The following ARHGEF26 variants were observed in gnomAD, a reference collection of about 807,000 sequenced individuals.
ARHGEF26 encodes Rho guanine nucleotide exchange factor (GEF) 26.
In ARHGEF26, 59 loss-of-function variants were observed where a neutral mutation model predicts 89.4. The ratio of observed to expected loss-of-function variants is 0.66; its 90% CI spans 0.54 to 0.82. ARHGEF26 has a LOEUF of 0.82. ARHGEF26 is among the 40% of genes least tolerant of loss of function. The probability of loss-of-function intolerance (pLI) is 0.00; values close to 1 mark genes in which losing one functional copy is unlikely to be tolerated. For synonymous variants in ARHGEF26, 500 were observed against 428.4 expected (o/e 1.17, Z -2.06); for missense variants, 1,234 against 1,085.6 (o/e 1.14, Z -1.92).
chr3:154,245,071 G>C (rs192086301), intron 12 of ARHGEF26, among the ~76,000 whole-genome samples: 12 of 152,196 alleles, frequency 7.9e-5, no homozygotes, highest in Admixed American at 3.3e-4. Context: ...TCTGTCGCCG[G>C]GGCTGGAGTG....
intron 6 of ARHGEF26, among the ~76,000 whole-genome samples, chr3:154,182,038 T>A (rs577709474): frequency 6.6e-6 from 1 of 151,174 alleles, no homozygotes; most frequent in Admixed American, 6.6e-5. Flanking sequence ...GGTGGTTGGG[T>A]GTGTGTGTGT....
rs192586091 is a variant in ARHGEF26 at position 154,151,709 on chromosome 3, G to A, written c.1327-1063G>A. ...AACCTTACGGAAGTTAAAAGTGGAG[G>A]TGAGCACTGAGATTAGCACTTCTAA... On this transcript the variant is annotated intron_variant, in intron 5 of 14. Coordinates refer to ENST00000465093, the MANE Select transcript of ARHGEF26 (RefSeq NM_015595.4). Among the ~76,000 whole-genome samples, 502 of 152,282 alleles carry A rather than the reference G, an allele frequency of 3.3e-3. 1 individual carries two copies. Among genetic ancestry groups the A allele is most frequent in the African/African-American group, 0.011 (476 of 41,562 alleles).
chr3:154,256,818 A>AGAGT lies in ARHGEF26; in HGVS notation c.*1346_*1349dup. On this transcript the variant is annotated 3_prime_UTR_variant, in exon 15 of 15. Coordinates refer to ENST00000465093, the MANE Select transcript of ARHGEF26 (RefSeq NM_015595.4). ...CTAAAAGCCTTAACTTGCTGTATTC[A>AGAGT]GAGTCCCTCTTAACTGTGAGTTTCT... The AGAGT allele has an allele frequency of 6.6e-7, 1 of 1,519,890 alleles. No individual in the cohort carries two copies. Among genetic ancestry groups the AGAGT allele is most frequent in the Non-Finnish European group, 8.8e-7 (1 of 1,141,842 alleles). 94.2% of individuals were successfully genotyped at this position (1,519,890 alleles called of 1,614,324 possible).
chr3:154,131,139 G>T (rs1446435104), intron 4 of ARHGEF26, among the ~76,000 whole-genome samples: 1 of 152,202 alleles, frequency 6.6e-6, no homozygotes, highest in Non-Finnish European at 1.5e-5. Context: ...GTCAGGGGAA[G>T]TAGAATGAAT....
chr3:154,129,846 T>C (rs879459535), intron 4 of ARHGEF26, 127 bp downstream of exon 4: 5 of 1,138,302 alleles, frequency 4.4e-6, no homozygotes, highest in Non-Finnish European at 6.1e-6. Flanking sequence ...CTTTTTAGAT[T>C]GTGAAATGTT....
intron 9 of ARHGEF26, among the ~76,000 whole-genome samples, chr3:154,197,012 C>T (rs1448707445): frequency 6.6e-6 from 1 of 152,044 alleles, no homozygotes; most frequent in Non-Finnish European, 1.5e-5. Flanking sequence ...TAGATTACTA[C>T]ATTCCTTCAG....
intron 6 of ARHGEF26, among the ~76,000 whole-genome samples, chr3:154,165,068 T>C (rs557056872): frequency 5.3e-5 from 8 of 152,266 alleles, no homozygotes; most frequent in Non-Finnish European, 8.8e-5. Context: ...TTTTGGAGGA[T>C]CTCATATGGT....
intron 12 of ARHGEF26, among the ~76,000 whole-genome samples, chr3:154,252,645 T>A (rs974416118): frequency 2.0e-5 from 3 of 152,202 alleles, no homozygotes; most frequent in African/African-American, 7.2e-5. Flanking sequence ...ATTAGTTGTA[T>A]GAGGGATGAG....
At chr3:154,160,317 A>G (rs1711582093) in intron 6 of ARHGEF26, among the ~76,000 whole-genome samples, 1 of 152,186 alleles carries the variant, frequency 6.6e-6, no homozygotes, top group Non-Finnish European at 1.5e-5. Context: ...TATTATTTCA[A>G]TAAAGAAAGA....
chr3:154,213,659 G>A (rs745664143), intron 9 of ARHGEF26, among the ~76,000 whole-genome samples: 9 of 152,084 alleles, frequency 5.9e-5, no homozygotes, highest in Non-Finnish European at 1.2e-4. Context: ...TATTGGCCTG[G>A]TGTGCTGGCT....
At chr3:154,218,926 G>A (rs1453532420) in intron 10 of ARHGEF26, among the ~76,000 whole-genome samples, 1 of 152,208 alleles carries the variant, frequency 6.6e-6, no homozygotes, top group African/African-American at 2.4e-5. Context: ...TAGATGTCCT[G>A]ACTTGCAGGT....
chr3:154,186,165 A>ACACACACACAC (rs766757043), intron 6 of ARHGEF26, among the ~76,000 whole-genome samples: 93 of 150,252 alleles, frequency 6.2e-4, no homozygotes, highest in African/African-American at 1.9e-3. Flanking sequence ...ACACACACAC[A>ACACACACACAC]CCCCTATACA....
chr3:154,177,855 A>G (rs1353603533), intron 6 of ARHGEF26, among the ~76,000 whole-genome samples: 1 of 152,194 alleles, frequency 6.6e-6, no homozygotes, highest in South Asian at 2.1e-4. Flanking sequence ...GAACAAAACT[A>G]GCTGATACAA....
At chr3:154,142,888 A>G (rs1340922738) in intron 4 of ARHGEF26, among the ~76,000 whole-genome samples, 1 of 152,144 alleles carries the variant, frequency 6.6e-6, no homozygotes, top group East Asian at 1.9e-4. Context: ...CTCATAAGCT[A>G]TTGCTCAGTT....
At chr3:154,216,503 TTTTTTA>T (rs776574154) in intron 9 of ARHGEF26, among the ~76,000 whole-genome samples, 11,093 of 46,428 alleles carry the variant, frequency 0.24, 808 homozygotes, top group East Asian at 0.59. Flanking sequence ...TTTTTTTTTA[TTTTTTA>T]TTTTTTTTTT....
chr3:154,239,299 A>AGTGTGTGTGT (rs142191516), intron 11 of ARHGEF26, among the ~76,000 whole-genome samples: 22 of 64,322 alleles, frequency 3.4e-4, no homozygotes, highest in South Asian at 3.0e-3. Flanking sequence ...AGAGAGAGAG[A>AGTGTGTGTGT]GTGTGTGTGT....
chr3:154,219,450 C>T (rs1247952028), intron 10 of ARHGEF26, among the ~76,000 whole-genome samples: 2 of 151,874 alleles, frequency 1.3e-5, no homozygotes, highest in East Asian at 1.9e-4. Context: ...CAAAAATTAG[C>T]CGGGTGTAGT....
rs1718578352 is a variant in ARHGEF26, at chr3:154,257,217, A to G, written c.*1744A>G. 2 of 320,514 alleles carry G rather than the reference A, an allele frequency of 6.2e-6. No homozygotes were observed. The highest frequency in any genetic ancestry group is 2.1e-5 in the African/African-American group (1 of 46,876). 19.9% of individuals were successfully genotyped at this position (320,514 alleles called of 1,614,324 possible). A position where few individuals can be genotyped will look rare whatever the true frequency, so the allele number is the denominator to read the frequency against. Reference sequence around the variant, plus strand: ...TTGGATTGCTCTTTTTGACCTGTGCATACCTTCTAATTGTAAAATATATTT... The same window carrying G: ...TTGGATTGCTCTTTTTGACCTGTGCGTACCTTCTAATTGTAAAATATATTT... On this transcript the variant is annotated 3_prime_UTR_variant, in exon 15 of 15. Transcript: ENST00000465093.
chr3:154,134,635 G>A (rs1259777171), intron 4 of ARHGEF26, among the ~76,000 whole-genome samples: 1 of 152,072 alleles, frequency 6.6e-6, no homozygotes, highest in Non-Finnish European at 1.5e-5. Flanking sequence ...GGTGAGAGAC[G>A]GCATCCTTAT....
Sources: gnomAD v4.1 joint callset for allele counts (sites outside exome capture counted in the v4.1 genomes callset) on GRCh38, gnomAD v4.1.1 for gene constraint, MANE v1.5 for transcripts, NCBI Gene and HGNC (gene_info 2026-07-23, HGNC 2026-07-21) for gene names.